WBP1L: variants seen among roughly 807,000 people sequenced by gnomAD.
WBP1L encodes the protein WW domain binding protein 1 like.
In WBP1L, 17 loss-of-function variants were observed where a neutral mutation model predicts 33.7. The ratio of observed to expected loss-of-function variants is 0.50; its 90% CI spans 0.34 to 0.76. The LOEUF (loss-of-function observed/expected upper bound fraction) is 0.76. Ranked by LOEUF, WBP1L falls within the 30% of genes least tolerant of loss-of-function variation. The pLI is 0.01. For missense variants in WBP1L, 389 were observed against 469.4 expected, an observed-to-expected ratio of 0.83 and a Z score of 1.58; for synonymous variants, 173 against 190.8, an observed-to-expected ratio of 0.91 and a Z score of 0.77.
At chr10:102,757,765 C>G (rs1244903945) in intron 1 of WBP1L, among the ~76,000 whole-genome samples, 1 of 151,170 alleles carries the variant, frequency 6.6e-6, no homozygotes, top group Non-Finnish European at 1.5e-5. Context: ...TTAGTACAGA[C>G]TGGGTTTCAC....
intron 1 of WBP1L, chr10:102,776,234 G>C (rs1414599813): frequency 6.5e-7 from 1 of 1,542,796 alleles, no homozygotes; most frequent in Non-Finnish European, 8.8e-7. Flanking sequence ...GTGCCTGCTC[G>C]GTCCCAGGAC....
At chr10:102,798,793 C>T (rs1335922350) in intron 2 of WBP1L, among the ~76,000 whole-genome samples, 1 of 152,222 alleles carries the variant, frequency 6.6e-6, no homozygotes, top group Non-Finnish European at 1.5e-5. Context: ...TAGATGGTCA[C>T]TATGCCATTT....
chr10:102,779,211 G>A (rs1843304045), intron 1 of WBP1L, among the ~76,000 whole-genome samples: 2 of 151,494 alleles, frequency 1.3e-5, no homozygotes, highest in Non-Finnish European at 2.9e-5. Context: ...CAGGAGAATC[G>A]CTTAAACCCG....
At chr10:102,752,600 A>G (rs1008518371) in intron 1 of WBP1L, among the ~76,000 whole-genome samples, 1 of 152,046 alleles carries the variant, frequency 6.6e-6, no homozygotes, top group Non-Finnish European at 1.5e-5. Context: ...TAAGAACATG[A>G]TTTGCTTTGC....
chr10:102,749,316 G>T (rs1231482250), intron 1 of WBP1L, among the ~76,000 whole-genome samples: 1 of 151,982 alleles, frequency 6.6e-6, no homozygotes, highest in Non-Finnish European at 1.5e-5. Context: ...GGTTTCTGTC[G>T]CTGGAATGCA....
intron 1 of WBP1L, among the ~76,000 whole-genome samples, chr10:102,757,955 G>A (rs1393518127): frequency 1.5e-5 from 2 of 135,954 alleles, no homozygotes; most frequent in African/African-American, 2.8e-5. Flanking sequence ...GCACGATCTC[G>A]GCTCACTGTA....
At chr10:102,754,662 G>A (rs543965716) in intron 1 of WBP1L, among the ~76,000 whole-genome samples, 1 of 152,002 alleles carries the variant, frequency 6.6e-6, no homozygotes, top group Non-Finnish European at 1.5e-5. Flanking sequence ...CAAAGTGCTG[G>A]GCTTACAGGC....
chr10:102,765,730 T>C (rs1264026806), intron 1 of WBP1L, among the ~76,000 whole-genome samples: 2 of 152,170 alleles, frequency 1.3e-5, no homozygotes, highest in South Asian at 4.1e-4. Flanking sequence ...AAGTGTGAAA[T>C]GGCTTTGTTG....
chr10:102,779,519 C>T (rs1046089759), intron 1 of WBP1L, among the ~76,000 whole-genome samples: 6 of 151,946 alleles, frequency 3.9e-5, no homozygotes, highest in African/African-American at 1.4e-4. Context: ...CCAGGCTGAT[C>T]TCAAACTCCT....
At chr10:102,777,667 C>T (rs1470792775) in intron 1 of WBP1L, among the ~76,000 whole-genome samples, 2 of 140,256 alleles carry the variant, frequency 1.4e-5, no homozygotes, top group African/African-American at 5.4e-5. Flanking sequence ...TGGGTTCAAG[C>T]GATTCTCCTG....
chr10:102,792,592 C>CT lies in WBP1L; in HGVS notation c.91-5382dup, dbSNP rs11368357. ...TCCTAGTTACTTTTTTTTTTCTTTT[C>CT]TTTTTTTTTTTTTTTTTTTGAGACA... On this transcript the variant is annotated intron_variant, in intron 1 of 3. Coordinates refer to ENST00000448841, the MANE Select transcript of WBP1L (RefSeq NM_001083913.2). 3.0e-3 allele frequency among the ~76,000 whole-genome samples: 313 copies of CT among 103,554 alleles called. 3 individuals carry two copies. Among genetic ancestry groups the CT allele is most frequent in the South Asian group, 9.1e-3 (32 of 3,514 alleles). The allele number at this position is 103,554 out of a possible 152,430, so 67.9% of individuals were successfully genotyped here.
At chr10:102,751,995 C>T (rs1842928483) in intron 1 of WBP1L, among the ~76,000 whole-genome samples, 3 of 152,186 alleles carry the variant, frequency 2.0e-5, no homozygotes, top group Admixed American at 1.3e-4. Flanking sequence ...AGTGTCAACT[C>T]CCAGACTAAC....
chr10:102,783,443 GT>G (rs1173960041), intron 1 of WBP1L, among the ~76,000 whole-genome samples: 1 of 152,198 alleles, frequency 6.6e-6, no homozygotes, highest in African/African-American at 2.4e-5. Context: ...TTTGTGAAGG[GT>G]TTTTGGCCAG....
At chr10:102,776,515 G>A (rs1431346123) in intron 1 of WBP1L, 5 of 1,523,044 alleles carry the variant, frequency 3.3e-6, no homozygotes, top group Non-Finnish European at 4.6e-6. Flanking sequence ...TTTAGCAAAT[G>A]CCTCTCAGTT....
At position 102,751,228 on chromosome 10, in the gene WBP1L, C is replaced by T. The variant is rs181033106; in HGVS notation, c.90+7085C>T. On this transcript the variant is annotated intron_variant, in intron 1 of 3. Transcript: ENST00000448841. ...TGTTGGCCAGGCTGTTCTCGAACTCCTGACCTCAGGCGATCTGCCCGACTT... is the reference window on the plus strand; with the variant it reads ...TGTTGGCCAGGCTGTTCTCGAACTCTTGACCTCAGGCGATCTGCCCGACTT... 4.4e-3 allele frequency among the ~76,000 whole-genome samples: 676 copies of T among 152,188 alleles called. 8 individuals are homozygous for T. Among genetic ancestry groups the T allele is most frequent in the Admixed American group, 0.023 (356 of 15,286 alleles).
At chr10:102,766,788 C>T (rs1009894883) in intron 1 of WBP1L, among the ~76,000 whole-genome samples, 9 of 151,594 alleles carry the variant, frequency 5.9e-5, no homozygotes, top group South Asian at 2.1e-4. Context: ...GCCGAGATTG[C>T]GCCTCTGCAC....
intron 2 of WBP1L, among the ~76,000 whole-genome samples, chr10:102,803,607 CTTTT>C (rs11288742): frequency 5.2e-5 from 7 of 134,716 alleles, no homozygotes; most frequent in Non-Finnish European, 4.9e-5. Flanking sequence ...TTGGGTTTTC[CTTTT>C]TTTTTTTTTT....
At chr10:102,794,835 A>G (rs1237468026) in intron 1 of WBP1L, among the ~76,000 whole-genome samples, 2 of 152,182 alleles carry the variant, frequency 1.3e-5, no homozygotes, top group East Asian at 1.9e-4. Context: ...TGACACCAGC[A>G]TGTCTCTCTG....
intron 1 of WBP1L, among the ~76,000 whole-genome samples, chr10:102,785,660 A>G (rs774291546): frequency 6.6e-6 from 1 of 152,186 alleles, no homozygotes; most frequent in Non-Finnish European, 1.5e-5. Context: ...CTGTGAGTGG[A>G]TGACAGTAGG....
Sources: gnomAD v4.1 joint callset for allele counts (sites outside exome capture counted in the v4.1 genomes callset) on GRCh38, gnomAD v4.1.1 for gene constraint, MANE v1.5 for transcripts, NCBI Gene and HGNC (gene_info 2026-07-23, HGNC 2026-07-21) for gene names.